GPC6: variants seen among roughly 807,000 people sequenced by gnomAD.
GPC6 encodes the protein glypican-6.
Under a neutral mutation model 55.2 loss-of-function variants are expected in GPC6, and 14 were observed. That is an observed-to-expected ratio of 0.25 (90% CI 0.17 to 0.40). The LOEUF (loss-of-function observed/expected upper bound fraction) is 0.40, where lower values mean the gene tolerates loss of function less well. Ranked by LOEUF, GPC6 falls within the 10% of genes least tolerant of loss-of-function variation. The pLI is 1.00. For missense variants in GPC6, 641 were observed against 708.5 expected, an observed-to-expected ratio of 0.90 and a Z score of 1.08; for synonymous variants, 278 against 259.6, an observed-to-expected ratio of 1.07 and a Z score of -0.68.
intron 1 of GPC6, among the ~76,000 whole-genome samples, chr13:93,522,681 G>A (rs1052119853): frequency 4.0e-5 from 6 of 151,858 alleles, no homozygotes; most frequent in Non-Finnish European, 7.4e-5. Context: ...AAACAAAACA[G>A]TGGATGTAGC....
intron 7 of GPC6, among the ~76,000 whole-genome samples, chr13:94,391,025 A>G (rs1013717641): frequency 6.6e-6 from 1 of 152,144 alleles, no homozygotes; most frequent in Non-Finnish European, 1.5e-5. Flanking sequence ...CTGCAGGTCT[A>G]CTAAGAAAGA....
chr13:94,165,263 T>TAC (rs1888322658), intron 4 of GPC6, among the ~76,000 whole-genome samples: 1 of 145,978 alleles, frequency 6.9e-6, no homozygotes, highest in African/African-American at 2.6e-5. Flanking sequence ...TATGTATACA[T>TAC]ATATATATAC....
chr13:93,409,793 A>G (rs1876428441), intron 1 of GPC6, among the ~76,000 whole-genome samples: 1 of 152,228 alleles, frequency 6.6e-6, no homozygotes, highest in African/African-American at 2.4e-5. Flanking sequence ...GGCGGGAATA[A>G]TCAAAGGAGG....
intron 1 of GPC6, among the ~76,000 whole-genome samples, chr13:93,391,130 G>T (rs1312483500): frequency 6.6e-6 from 1 of 152,014 alleles, no homozygotes; most frequent in Non-Finnish European, 1.5e-5. Flanking sequence ...ATGGAGCAGT[G>T]CTAAAATACC....
intron 4 of GPC6, among the ~76,000 whole-genome samples, chr13:94,267,394 C>A (rs1891852264): frequency 1.3e-5 from 2 of 152,052 alleles, no homozygotes; most frequent in South Asian, 4.1e-4. Context: ...CAAAATGTTT[C>A]AAATATTCTT....
chr13:93,981,336 A>G (rs1880796152), intron 3 of GPC6, among the ~76,000 whole-genome samples: 1 of 152,206 alleles, frequency 6.6e-6, no homozygotes, highest in Non-Finnish European at 1.5e-5. Flanking sequence ...AATACAAAAT[A>G]CCTCATATTT....
intron 4 of GPC6, among the ~76,000 whole-genome samples, chr13:94,218,438 G>C (rs568985074): frequency 6.6e-6 from 1 of 152,286 alleles, no homozygotes; most frequent in South Asian, 2.1e-4. Context: ...GGGTTTGTTT[G>C]GGGCTATCAA....
intron 7 of GPC6, among the ~76,000 whole-genome samples, chr13:94,397,640 T>C (rs866188788): frequency 1.4e-4 from 21 of 152,312 alleles, no homozygotes; most frequent in African/African-American, 5.1e-4. Flanking sequence ...AGGTAGGGCC[T>C]CTGCAGTTGA....
intron 1 of GPC6, among the ~76,000 whole-genome samples, chr13:93,480,192 A>G (rs1879464300): frequency 6.6e-6 from 1 of 152,226 alleles, no homozygotes; most frequent in South Asian, 2.1e-4. Flanking sequence ...TCAACATTTT[A>G]AACTGTAATA....
At chr13:93,896,995 T>A (rs1254692709) in intron 3 of GPC6, among the ~76,000 whole-genome samples, 1 of 151,906 alleles carries the variant, frequency 6.6e-6, no homozygotes, top group Non-Finnish European at 1.5e-5. Context: ...CTTTTTTTTT[T>A]TTTTTAACAT....
intron 4 of GPC6, among the ~76,000 whole-genome samples, chr13:94,109,666 G>T (rs1886172326): frequency 2.0e-5 from 3 of 152,092 alleles, no homozygotes. Flanking sequence ...AGTCAGTATG[G>T]TACCTACAAA....
rs1374065155 is a variant in GPC6, at chr13:93,601,392, G to GTAA, written c.319+55987_319+55989dup. 5.3e-5 allele frequency among the ~76,000 whole-genome samples: 8 copies of GTAA among 151,734 alleles called. No homozygotes were observed. The South Asian group carries it at 1.3e-3, about 24-fold the overall frequency. On this transcript the variant is annotated intron_variant, in intron 2 of 8. Coordinates refer to ENST00000377047, the MANE Select transcript of GPC6 (RefSeq NM_005708.5). ...AGTGAGACTCTATCTCAAAATAATAGTAATAATAATAATAATAAAAACATG... is the reference window on the plus strand; with the variant it reads ...AGTGAGACTCTATCTCAAAATAATAGTAATAATAATAATAATAATAAAAACATG...
At chr13:94,071,251 C>T (rs572635344) in intron 4 of GPC6, among the ~76,000 whole-genome samples, 7 of 152,024 alleles carry the variant, frequency 4.6e-5, no homozygotes, top group East Asian at 1.9e-4. Flanking sequence ...AATAGTCTTT[C>T]GTGTAGAGGG....
intron 2 of GPC6, among the ~76,000 whole-genome samples, chr13:93,721,334 G>C (rs1300767143): frequency 1.3e-5 from 2 of 151,530 alleles, no homozygotes; most frequent in East Asian, 3.9e-4. Flanking sequence ...TGATCTTGTT[G>C]GTTTAAAGTC....
intron 1 of GPC6, among the ~76,000 whole-genome samples, chr13:93,306,012 G>A (rs1276872959): frequency 2.6e-5 from 4 of 152,162 alleles, no homozygotes; most frequent in Admixed American, 1.3e-4. Context: ...GTAAATGAAT[G>A]GAGGGTTAGT....
chr13:93,633,516 G>C (rs905525902), intron 2 of GPC6, among the ~76,000 whole-genome samples: 1 of 151,892 alleles, frequency 6.6e-6, no homozygotes, highest in Non-Finnish European at 1.5e-5. Flanking sequence ...TGTGGTGGTA[G>C]CTGGGACTAC....
chr13:93,623,332 A>AT (rs1244721960), intron 2 of GPC6, among the ~76,000 whole-genome samples: 1 of 152,060 alleles, frequency 6.6e-6, no homozygotes, highest in Admixed American at 6.6e-5. Flanking sequence ...CACTTTTTAA[A>AT]TTTTTTGAAG....
chr13:94,258,230 C>T (rs773893099), intron 4 of GPC6, among the ~76,000 whole-genome samples: 1 of 152,176 alleles, frequency 6.6e-6, no homozygotes, highest in Non-Finnish European at 1.5e-5. Context: ...AGGTGAGCCC[C>T]GCAGAGGATT....
chr13:93,304,570 C>G (rs189348239), intron 1 of GPC6, among the ~76,000 whole-genome samples: 1 of 152,342 alleles, frequency 6.6e-6, no homozygotes, highest in Non-Finnish European at 1.5e-5. Context: ...ATAGTTTTCA[C>G]TATGTTTTGG....
Sources: gnomAD v4.1 joint callset for allele counts (sites outside exome capture counted in the v4.1 genomes callset) on GRCh38, gnomAD v4.1.1 for gene constraint, MANE v1.5 for transcripts, NCBI Gene and HGNC (gene_info 2026-07-23, HGNC 2026-07-21) for gene names.